Variants in USP10 observed in about 807,000 individuals in gnomAD.
USP10 encodes ubiquitin carboxyl-terminal hydrolase 10.
Under a neutral mutation model 84.5 loss-of-function variants are expected in USP10, and 22 were observed. That is an observed-to-expected ratio of 0.26 (90% CI 0.19 to 0.37). The LOEUF (loss-of-function observed/expected upper bound fraction) is 0.37, where lower values mean the gene tolerates loss of function less well. USP10 is among the 10% of genes least tolerant of loss of function. The probability of loss-of-function intolerance (pLI) is 1.00; values close to 1 mark genes in which losing one functional copy is unlikely to be tolerated. For missense variants in USP10, 1,019 were observed against 998.9 expected (o/e 1.02, Z -0.27); for synonymous variants, 454 against 387.6 (o/e 1.17, Z -2.01).
At chr16:84,701,509 C>T (rs1431355241) in intron 1 of USP10, among the ~76,000 whole-genome samples, 3 of 152,060 alleles carry the variant, frequency 2.0e-5, no homozygotes, top group Admixed American at 1.3e-4. Context: ...GCTTTTTTCT[C>T]AACTTAAATC....
At chr16:84,767,946 C>G (rs925780599) in intron 10 of USP10, among the ~76,000 whole-genome samples, 5 of 151,966 alleles carry the variant, frequency 3.3e-5, no homozygotes, top group Non-Finnish European at 4.4e-5. Flanking sequence ...TGTTTGTGTC[C>G]CTGATTACTT....
intron 3 of USP10, among the ~76,000 whole-genome samples, chr16:84,743,709 T>C (rs970787954): frequency 2.0e-5 from 3 of 152,206 alleles, no homozygotes; most frequent in African/African-American, 7.2e-5. Context: ...AAAGACACAA[T>C]TGATTCTAAA....
At position 84,733,417 on chromosome 16, in the gene USP10, T is replaced by G; in HGVS notation, c.22-18T>G. ...TTGTATATTTTATGTGATCAGTGAC[T>G]CTCTTATTTTTTTTCAGTATATTTT... is the stretch of plus-strand genomic sequence containing the variant. On this transcript the variant is annotated intron_variant, in intron 1 of 13. Transcript: ENST00000219473. 6.4e-7 allele frequency: 1 copy of G among 1,561,492 alleles called. No individual in the cohort carries two copies. Among genetic ancestry groups the G allele is most frequent in the East Asian group, 2.2e-5 (1 of 44,524 alleles).
chr16:84,700,076 A>T lies in USP10; in HGVS notation c.-15A>T, dbSNP rs745656947. Reference sequence around the variant, plus strand: ...GCAGCCGGAGGATCGCGGAGTCCCAATGAAACGGGCAGCCATGGCCCTCCA... The same window carrying T: ...GCAGCCGGAGGATCGCGGAGTCCCATTGAAACGGGCAGCCATGGCCCTCCA... On this transcript the variant is annotated 5_prime_UTR_variant, in exon 1 of 14. An upstream start codon of the reference 5' UTR is lost. Transcript: ENST00000219473. 1.0e-5 allele frequency: 14 copies of T among 1,373,454 alleles called. No homozygotes were observed. The South Asian group carries it at 1.1e-4, about 11-fold the overall frequency. The allele number at this position is 1,373,454 out of a possible 1,614,324, so 85.1% of individuals were successfully genotyped here.
At chr16:84,717,519 A>G (rs1019773131) in intron 1 of USP10, among the ~76,000 whole-genome samples, 10 of 152,170 alleles carry the variant, frequency 6.6e-5, no homozygotes, top group East Asian at 1.9e-4. Context: ...TTGGTGCTCA[A>G]TAAGTGTCGA....
intron 1 of USP10, among the ~76,000 whole-genome samples, chr16:84,729,669 A>T (rs1166948653): frequency 1.3e-5 from 2 of 152,156 alleles, no homozygotes; most frequent in East Asian, 3.8e-4. Context: ...AATCGAAAGG[A>T]CCGGTTTTAA....
chr16:84,705,960 G>A (rs1453903166), intron 1 of USP10, among the ~76,000 whole-genome samples: 2 of 151,958 alleles, frequency 1.3e-5, no homozygotes, highest in African/African-American at 2.4e-5. Flanking sequence ...CACCTCAGGT[G>A]ATCCACCTAC....
chr16:84,774,153 G>C (rs1009921000), intron 12 of USP10, among the ~76,000 whole-genome samples: 2 of 152,084 alleles, frequency 1.3e-5, no homozygotes, highest in African/African-American at 4.8e-5. Context: ...GGGAGGCTGA[G>C]GCAGGAGAAT....
At chr16:84,706,446 C>G (rs188862785) in intron 1 of USP10, among the ~76,000 whole-genome samples, 1 of 150,470 alleles carries the variant, frequency 6.6e-6, no homozygotes, top group Non-Finnish European at 1.5e-5. Flanking sequence ...GTAATAATTT[C>G]CCTTACGTGG....
At chr16:84,703,290 C>A (rs982123475) in intron 1 of USP10, among the ~76,000 whole-genome samples, 2 of 152,110 alleles carry the variant, frequency 1.3e-5, no homozygotes, top group African/African-American at 4.8e-5. Flanking sequence ...TTGCCTTACA[C>A]CGAAAAAATA....
At chr16:84,731,040 C>G (rs985971840) in intron 1 of USP10, among the ~76,000 whole-genome samples, 2 of 138,688 alleles carry the variant, frequency 1.4e-5, no homozygotes, top group Admixed American at 1.5e-4. Flanking sequence ...AGTGCAGTGG[C>G]TCATTCTCGG....
intron 1 of USP10, among the ~76,000 whole-genome samples, chr16:84,728,795 C>G (rs760819885): frequency 6.6e-6 from 1 of 151,786 alleles, no homozygotes; most frequent in Non-Finnish European, 1.5e-5. Context: ...ATAAGCAGCA[C>G]CTCTTCTTTT....
Position 84,764,113 on chromosome 16 carries a change from A to G in USP10, c.1682A>G (p.Asn561Ser), listed in dbSNP as rs752342341. ...EKLTISNGPK[N>S]HSVNEEEQEE... is the part of the protein sequence containing the mutation. Reference sequence around the variant, plus strand: ...CTTACGATTTCCAACGGCCCCAAAAACCACTCGGTCAATGAAGAAGAGCAG... The same window carrying G: ...CTTACGATTTCCAACGGCCCCAAAAGCCACTCGGTCAATGAAGAAGAGCAG... Residue 561 changes from asparagine (N) to serine (S), a missense_variant, in exon 10 of 14, where the codon AAC (asparagine) becomes AGC (serine). Asn to Ser is a conservative substitution (Grantham distance 46, BLOSUM62 1). This residue lies in a region of USP10 where 787 missense variants were observed against 708.8 expected (regional missense o/e 1.11). Transcript: ENST00000219473. 6.2e-7 allele frequency: 1 copy of G among 1,613,654 alleles called. No homozygotes were observed. The highest frequency in any genetic ancestry group is 1.1e-5 in the South Asian group (1 of 91,062).
chr16:84,759,130 A>T, intron 5 of USP10: 1 of 592,044 alleles, frequency 1.7e-6, no homozygotes, highest in African/African-American at 1.9e-5. Context: ...TGTCTTGGTT[A>T]GGTCAAGTTC....
intron 9 of USP10, among the ~76,000 whole-genome samples, chr16:84,763,443 A>G (rs1481929836): frequency 2.6e-5 from 4 of 152,226 alleles, no homozygotes; most frequent in East Asian, 1.9e-4. Context: ...GTCCATCCAT[A>G]TATACATACA....
chr16:84,759,424 A>T lies in USP10; in HGVS notation c.1346A>T (p.Tyr449Phe). 6.2e-7 allele frequency: 1 copy of T among 1,613,968 alleles called. No homozygotes were observed. The highest frequency in any genetic ancestry group is 8.5e-7 in the Non-Finnish European group (1 of 1,179,874). Residue 449 changes from tyrosine (Y) to phenylalanine (F), a missense_variant, in exon 6 of 14, where the codon TAT becomes TTT. Transcript: ENST00000219473. ...CACCTGATGAAGTTCATTCCTCTGT[A>T]TTCCAAAGTGCAAAGGCCTTGTACG... ...MYHLMKFIPL[Y>F]SKVQRPCTST... is the part of the protein sequence containing the mutation.
Position 84,759,471 on chromosome 16 carries a change from T to A in USP10, c.1393T>A (p.Phe465Ile). ...PCTSTPMIDSFVRLMNEFTNM... is the reference protein window; with the variant it reads ...PCTSTPMIDSIVRLMNEFTNM... ...TACGTCAACACCCATGATAGACAGC[T>A]TGTAAGTAAGGTGGTGAAAGATGTG... Residue 465 changes from phenylalanine to isoleucine, a missense_variant and splice_region_variant, in exon 6 of 14, where the codon TTT becomes ATT. Phe to Ile is a conservative substitution (Grantham distance 21). Around this residue, in one of 2 missense-constraint regions of USP10, gnomAD observed 787 missense variants for 708.8 expected, o/e 1.11. Transcript: ENST00000219473. The A allele has an allele frequency of 2.5e-6, 4 of 1,613,570 alleles. No homozygotes were observed. Among genetic ancestry groups the A allele is most frequent in the Non-Finnish European group, 3.4e-6 (4 of 1,179,476 alleles).
At chr16:84,719,272 CTGAA>C (rs1907472311) in intron 1 of USP10, among the ~76,000 whole-genome samples, 1 of 152,122 alleles carries the variant, frequency 6.6e-6, no homozygotes, top group African/African-American at 2.4e-5. Flanking sequence ...GGAGGCATAA[CTGAA>C]TGGAGAAGTA....
chr16:84,701,605 TGAA>T (rs1346353837), intron 1 of USP10, among the ~76,000 whole-genome samples: 2 of 152,246 alleles, frequency 1.3e-5, no homozygotes, highest in Middle Eastern at 3.2e-3. Context: ...GATTTTGACA[TGAA>T]GAAAGCATCT....
Sources: allele counts gnomAD v4.1 joint callset (sites outside exome capture counted in the v4.1 genomes callset), GRCh38; gene constraint gnomAD v4.1.1; regional missense constraint gnomAD v4.1.1; transcripts MANE v1.5; gene names NCBI Gene and HGNC (gene_info 2026-07-23, HGNC 2026-07-21).